Variants in PARN observed in about 807,000 individuals in gnomAD.
PARN encodes the protein poly(A)-specific ribonuclease, also known as poly(A)-specific ribonuclease PARN.
A neutral mutation model predicts 102.8 loss-of-function variants in PARN; 71 were observed. The observed-to-expected ratio is 0.69, with a 90% CI of 0.57 to 0.84. The LOEUF (loss-of-function observed/expected upper bound fraction) is 0.84. PARN is among the 40% of genes least tolerant of loss of function. PARN has a pLI of 0.00. For synonymous variants in PARN, 261 were observed against 252.9 expected (o/e 1.03, Z -0.30); for missense variants, 782 against 760.9 (o/e 1.03, Z -0.33).
chr16:14,472,748 A>G (rs538379792), intron 22 of PARN, among the ~76,000 whole-genome samples: 1 of 152,396 alleles, frequency 6.6e-6, no homozygotes, highest in Non-Finnish European at 1.5e-5. Flanking sequence ...GCAAAACAAT[A>G]TAACATTTAA....
At chr16:14,563,356 T>C (rs1390108252) in intron 18 of PARN, among the ~76,000 whole-genome samples, 2 of 152,168 alleles carry the variant, frequency 1.3e-5, no homozygotes, top group African/African-American at 4.8e-5. Context: ...AAGCATGTAC[T>C]GACAAGAGCT....
Position 14,627,264 on chromosome 16 carries a change from C to A in PARN, c.245+5G>T. The A allele has an allele frequency of 6.3e-7, 1 of 1,591,728 alleles. No homozygotes were observed. On this transcript the variant is annotated splice_donor_5th_base_variant and intron_variant, in intron 4 of 23. Coordinates refer to ENST00000437198, the MANE Select transcript of PARN (RefSeq NM_002582.4). ...GAATTCCCAACGTTTGTTAACACAA[C>A]CTACTTTGAATCTGTGTAGTCATAC...
rs1966591624 is a variant in PARN, at chr16:14,536,018, T to A, written c.1480+16003A>T. 3.3e-5 allele frequency among the ~76,000 whole-genome samples: 5 copies of A among 152,312 alleles called. No homozygotes were observed. The South Asian group carries it at 1.0e-3, about 32-fold the overall frequency. On this transcript the variant is annotated intron_variant, in intron 21 of 23. Transcript: ENST00000437198. ...AAATAAAAAAGCATATAATGCTTTT[T>A]TAGTCTTAAATTTAAAAATTGTATT...
chr16:14,619,522 T>C (rs1972154104), intron 5 of PARN, among the ~76,000 whole-genome samples: 1 of 151,820 alleles, frequency 6.6e-6, no homozygotes, highest in East Asian at 2.0e-4. Flanking sequence ...CCCAGCACTT[T>C]AGGAGATGGT....
At chr16:14,553,999 AC>A (rs879481587) in intron 20 of PARN, 65 bp downstream of exon 20, 4 of 962,446 alleles carry the variant, frequency 4.2e-6, no homozygotes, top group Non-Finnish European at 6.4e-6. Context: ...CTATCTTTCT[AC>A]TTCTGACCAC....
chr16:14,449,516 T>C (rs898309059), intron 22 of PARN, among the ~76,000 whole-genome samples: 1 of 152,206 alleles, frequency 6.6e-6, no homozygotes, highest in Non-Finnish European at 1.5e-5. Flanking sequence ...TGTGACCTCA[T>C]AGATGTAAAC....
chr16:14,499,634 T>A (rs1964485442), intron 21 of PARN, among the ~76,000 whole-genome samples: 2 of 152,244 alleles, frequency 1.3e-5, no homozygotes, highest in African/African-American at 4.8e-5. Context: ...TCTAAAAGTG[T>A]AGAGCTTTTT....
intron 18 of PARN, among the ~76,000 whole-genome samples, chr16:14,558,882 T>C (rs1967871854): frequency 6.6e-6 from 1 of 152,216 alleles, no homozygotes; most frequent in Non-Finnish European, 1.5e-5. Context: ...TACGATCATT[T>C]TTTAAACTTT....
rs148739717 is a variant in PARN, at chr16:14,575,584, C to G, written c.1262+5290G>C. Among the ~76,000 whole-genome samples, 881 of 152,282 alleles carry G rather than the reference C, an allele frequency of 5.8e-3. 11 individuals carry two copies. The highest frequency in any genetic ancestry group is 0.02 in the African/African-American group (839 of 41,530). On this transcript the variant is annotated intron_variant, in intron 18 of 23. Coordinates refer to ENST00000437198, the MANE Select transcript of PARN (RefSeq NM_002582.4). Reference sequence around the variant, plus strand: ...CTGTATTTATCCATAGCCTGTACCCCCATTGTATCTAGGAAGTAACTAACT... The same window carrying G: ...CTGTATTTATCCATAGCCTGTACCCGCATTGTATCTAGGAAGTAACTAACT...
intron 22 of PARN, among the ~76,000 whole-genome samples, chr16:14,470,335 T>A (rs1164893454): frequency 6.6e-6 from 1 of 152,054 alleles, no homozygotes; most frequent in Non-Finnish European, 1.5e-5. Context: ...AACCTTTCTA[T>A]GTTTTCAAAT....
intron 23 of PARN, among the ~76,000 whole-genome samples, chr16:14,441,837 A>T (rs147359464): frequency 0.045 from 6,842 of 152,296 alleles, 206 homozygotes; most frequent in Non-Finnish European, 0.072. Context: ...TCTGACTTTA[A>T]GGAGACCAGT....
At chr16:14,453,997 G>A (rs931424170) in intron 22 of PARN, among the ~76,000 whole-genome samples, 3 of 152,128 alleles carry the variant, frequency 2.0e-5, no homozygotes, top group East Asian at 3.8e-4. Context: ...AACTTTACAG[G>A]AAACTGCCAA....
chr16:14,603,493 T>C (rs909229239), intron 11 of PARN, among the ~76,000 whole-genome samples: 2 of 151,990 alleles, frequency 1.3e-5, no homozygotes, highest in African/African-American at 4.8e-5. Flanking sequence ...TGGAGTGCAG[T>C]CTACCCCGTT....
intron 5 of PARN, among the ~76,000 whole-genome samples, chr16:14,622,784 G>C (rs1486783918): frequency 6.6e-6 from 1 of 152,222 alleles, no homozygotes; most frequent in Non-Finnish European, 1.5e-5. Flanking sequence ...GGGATTACAG[G>C]AGTGAGTCAC....
intron 21 of PARN, among the ~76,000 whole-genome samples, chr16:14,513,966 G>A (rs1412973508): frequency 2.0e-5 from 3 of 152,160 alleles, no homozygotes; most frequent in African/African-American, 2.4e-5. Context: ...GTCAGTGCCC[G>A]GCACACATGC....
chr16:14,610,145 G>A (rs1380326114), intron 7 of PARN, among the ~76,000 whole-genome samples: 2 of 152,160 alleles, frequency 1.3e-5, no homozygotes, highest in Non-Finnish European at 2.9e-5. Context: ...ACAATACATG[G>A]AACTCTATTT....
chr16:14,598,371 A>G (rs1389814364), intron 12 of PARN, among the ~76,000 whole-genome samples: 1 of 152,206 alleles, frequency 6.6e-6, no homozygotes, highest in African/African-American at 2.4e-5. Flanking sequence ...AAGCTAAGGT[A>G]TCCGAATGTG....
At chr16:14,536,090 G>C (rs1966595087) in intron 21 of PARN, among the ~76,000 whole-genome samples, 1 of 151,980 alleles carries the variant, frequency 6.6e-6, no homozygotes, top group Admixed American at 6.6e-5. Flanking sequence ...GAAAACATAA[G>C]AACATAAAAT....
chr16:14,480,706 C>T (rs957269196), intron 22 of PARN, among the ~76,000 whole-genome samples: 3 of 152,074 alleles, frequency 2.0e-5, no homozygotes, highest in South Asian at 2.1e-4. Flanking sequence ...TTTGGGAGGC[C>T]GAGGCAGGCG....
Sources: gnomAD v4.1 joint callset for allele counts (sites outside exome capture counted in the v4.1 genomes callset) on GRCh38, gnomAD v4.1.1 for gene constraint, MANE v1.5 for transcripts, NCBI Gene and HGNC (gene_info 2026-07-23, HGNC 2026-07-21) for gene names.